The following SLC14A2 variants were observed in gnomAD, a reference collection of about 807,000 sequenced individuals.
SLC14A2 encodes urea transporter 2.
SLC14A2 carries 91 observed loss-of-function variants against 104.6 expected under a neutral mutation model. That is an observed-to-expected ratio of 0.87 (90% confidence interval 0.73 to 1.04). SLC14A2 has a LOEUF of 1.04. Among genes scored for constraint, SLC14A2 ranks in the 50% least tolerant of loss-of-function variants. SLC14A2 has a pLI of 0.00. For missense variants in SLC14A2, 1,189 were observed against 1,156.0 expected (o/e 1.03, Z -0.41); for synonymous variants, 476 against 466.4 (o/e 1.02, Z -0.27).
chr18:45,172,066 G>T, the SLC14A2 span, among the ~76,000 whole-genome samples: 7 of 152,210 alleles, frequency 4.6e-5, no homozygotes, highest in South Asian at 1.5e-3. Context: ...TATCAATGTC[G>T]TAAGCAGTGA....
intron 1 of SLC14A2, among the ~76,000 whole-genome samples, chr18:45,425,752 G>C (rs1386171568): frequency 6.6e-6 from 1 of 152,138 alleles, no homozygotes; most frequent in African/African-American, 2.4e-5. Flanking sequence ...AAGCTGTCCA[G>C]CACTTTCTAG....
intron 2 of SLC14A2, among the ~76,000 whole-genome samples, chr18:45,502,602 C>T (rs138914527): frequency 1.2e-4 from 18 of 152,244 alleles, no homozygotes; most frequent in Non-Finnish European, 2.4e-4. Context: ...TGAAAAGTAC[C>T]CTAATTCATT....
At chr18:45,531,730 T>G (rs932374421) in intron 2 of SLC14A2, among the ~76,000 whole-genome samples, 4 of 152,160 alleles carry the variant, frequency 2.6e-5, no homozygotes, top group Non-Finnish European at 5.9e-5. Context: ...CAATTTTGGC[T>G]TTTGTTGCCA....
intron 1 of SLC14A2, among the ~76,000 whole-genome samples, chr18:45,330,475 T>G (rs1424021996): frequency 6.6e-6 from 1 of 152,228 alleles, no homozygotes. Context: ...GGTGCATGGT[T>G]GCCAGAGGCT....
intron 16 of SLC14A2, among the ~76,000 whole-genome samples, chr18:45,670,188 CT>C (rs3837907): frequency 1.4e-5 from 1 of 69,528 alleles, no homozygotes; most frequent in Non-Finnish European, 4.5e-5. Flanking sequence ...AAACTCAGGG[CT>C]TTTTCTACTA....
At chr18:45,658,208 C>G (rs2045875026) in intron 10 of SLC14A2, among the ~76,000 whole-genome samples, 1 of 152,144 alleles carries the variant, frequency 6.6e-6, no homozygotes, top group Non-Finnish European at 1.5e-5. Flanking sequence ...GGTAGCCTCT[C>G]ATGCTCCTTA....
At chr18:45,487,236 A>T (rs1021638447) in intron 2 of SLC14A2, among the ~76,000 whole-genome samples, 6 of 152,162 alleles carry the variant, frequency 3.9e-5, no homozygotes, top group African/African-American at 1.4e-4. Flanking sequence ...TCCTTCCTCC[A>T]TCTTCAAAGG....
At chr18:45,406,019 T>C (rs909956193) in intron 1 of SLC14A2, among the ~76,000 whole-genome samples, 1 of 152,172 alleles carries the variant, frequency 6.6e-6, no homozygotes. Flanking sequence ...ACATGTAAGT[T>C]TCTTAAAATA....
At chr18:45,261,776 A>G (rs1484689559) in intron 1 of SLC14A2, among the ~76,000 whole-genome samples, 1 of 152,190 alleles carries the variant, frequency 6.6e-6, no homozygotes, top group Non-Finnish European at 1.5e-5. Flanking sequence ...CATTGTGTAT[A>G]TGTGACACAT....
intron 2 of SLC14A2, among the ~76,000 whole-genome samples, chr18:45,595,958 G>T (rs981310747): frequency 6.6e-6 from 1 of 152,284 alleles, no homozygotes; most frequent in South Asian, 2.1e-4. Flanking sequence ...AGGTCACAGG[G>T]CCCACATTGC....
chr18:45,531,972 T>G (rs931534894), intron 2 of SLC14A2, among the ~76,000 whole-genome samples: 8 of 152,258 alleles, frequency 5.3e-5, no homozygotes, highest in East Asian at 1.9e-4. Flanking sequence ...TTTCCCCATT[T>G]CTTCTTTTTG....
intron 2 of SLC14A2, among the ~76,000 whole-genome samples, chr18:45,594,732 T>A (rs1390757680): frequency 1.3e-5 from 2 of 152,184 alleles, no homozygotes; most frequent in African/African-American, 4.8e-5. Context: ...CTGAACCAGA[T>A]GTCTTCTAGC....
intron 2 of SLC14A2, among the ~76,000 whole-genome samples, chr18:45,518,128 A>G (rs148903174): frequency 1.3e-5 from 2 of 152,310 alleles, no homozygotes; most frequent in African/African-American, 4.8e-5. Flanking sequence ...TTGCAATCCT[A>G]TTCTGTAAAA....
At chr18:45,506,352 T>G (rs952689060) in intron 2 of SLC14A2, among the ~76,000 whole-genome samples, 1 of 152,162 alleles carries the variant, frequency 6.6e-6, no homozygotes, top group Non-Finnish European at 1.5e-5. Flanking sequence ...AGAGCCACTA[T>G]CTGTCAGTAA....
At chr18:45,644,249 C>T (rs745474734) in intron 10 of SLC14A2, 89 bp downstream of exon 10, 4 of 1,326,452 alleles carry the variant, frequency 3.0e-6, no homozygotes, top group Non-Finnish European at 3.2e-6. Flanking sequence ...TCAGTTGCAG[C>T]ACTCACCTTC....
intron 1 of SLC14A2, among the ~76,000 whole-genome samples, chr18:45,405,742 C>CA (rs1374835151): frequency 2.6e-5 from 4 of 151,700 alleles, no homozygotes; most frequent in Admixed American, 1.3e-4. Flanking sequence ...AGTAAAAATA[C>CA]AAAAAAATTA....
At chr18:45,582,200 CCATGGGCA>C (rs1383548687) in intron 2 of SLC14A2, among the ~76,000 whole-genome samples, 16 of 152,308 alleles carry the variant, frequency 1.1e-4, no homozygotes, top group Non-Finnish European at 2.4e-4. Flanking sequence ...GAAGGGTTCA[CCATGGGCA>C]CATGGTCTAG....
chr18:45,179,686 C>T, the SLC14A2 span, among the ~76,000 whole-genome samples: 171 of 151,854 alleles, frequency 1.1e-3, no homozygotes, highest in Non-Finnish European at 1.4e-3. Context: ...AACTTAAACA[C>T]AATTAATCTG....
chr18:45,594,608 G>A (rs985657011), intron 2 of SLC14A2, among the ~76,000 whole-genome samples: 1 of 152,178 alleles, frequency 6.6e-6, no homozygotes, highest in Admixed American at 6.5e-5. Flanking sequence ...CCCAGGCAGA[G>A]TGGGCACAGC....
Sources: allele counts gnomAD v4.1 joint callset (sites outside exome capture counted in the v4.1 genomes callset), GRCh38; gene constraint gnomAD v4.1.1; transcripts MANE v1.5; gene names NCBI Gene and HGNC (gene_info 2026-07-23, HGNC 2026-07-21).